AP1B1: variants seen among roughly 807,000 people sequenced by gnomAD.
AP1B1 encodes adaptor related protein complex 1 subunit beta 1, also known as AP-1 complex subunit beta-1.
Under a neutral mutation model 104.3 loss-of-function variants are expected in AP1B1, and 36 were observed. The ratio of observed to expected loss-of-function variants is 0.35; its 90% CI spans 0.26 to 0.46. AP1B1 has a LOEUF of 0.46. AP1B1 is among the 20% of genes least tolerant of loss of function. The pLI is 1.00. For missense variants in AP1B1, 901 were observed against 1,247.9 expected, an observed-to-expected ratio of 0.72 and a Z score of 4.19; for synonymous variants, 504 against 517.5, an observed-to-expected ratio of 0.97 and a Z score of 0.35.
At chr22:29,338,885 T>C in intron 16 of AP1B1, 105 bp downstream of exon 16, 1 of 1,500,238 alleles carries the variant, frequency 6.7e-7, no homozygotes, top group Non-Finnish European at 9.1e-7. Flanking sequence ...CCCTCATCAC[T>C]GCTGGCCTGA....
chr22:29,348,537 A>C (rs1265384754), intron 11 of AP1B1, among the ~76,000 whole-genome samples: 1 of 152,232 alleles, frequency 6.6e-6, no homozygotes, highest in Non-Finnish European at 1.5e-5. Context: ...TGAATTGACA[A>C]TATATATTAA....
intron 2 of AP1B1, among the ~76,000 whole-genome samples, chr22:29,364,543 C>T (rs753531445): frequency 6.6e-5 from 10 of 152,106 alleles, no homozygotes; most frequent in Non-Finnish European, 1.2e-4. Flanking sequence ...CTCAGCATAC[C>T]GGGTAGCTGG....
intron 1 of AP1B1, among the ~76,000 whole-genome samples, chr22:29,380,415 G>T (rs79418544): frequency 0.021 from 541 of 25,896 alleles, 8 homozygotes; most frequent in African/African-American, 0.17. Context: ...CAGAACCCCC[G>T]GGCACACATG....
Position 29,330,540 on chromosome 22 carries a change from G to T in AP1B1, c.2612-8C>A. 6.2e-7 allele frequency: 1 copy of T among 1,610,276 alleles called. No homozygotes were observed. Among genetic ancestry groups the T allele is most frequent in the Non-Finnish European group, 8.5e-7 (1 of 1,176,918 alleles). On this transcript the variant is annotated splice_region_variant and splice_polypyrimidine_tract_variant and intron_variant, in intron 20 of 22. Coordinates refer to ENST00000357586, the MANE Select transcript of AP1B1 (RefSeq NM_001127.4). ...GCTTGCTGCTCGCAGCCTCTGTGGGGTCACATGGCCGTGAGAGGCCCCAGT... is the reference window on the plus strand; with the variant it reads ...GCTTGCTGCTCGCAGCCTCTGTGGGTTCACATGGCCGTGAGAGGCCCCAGT...
intron 1 of AP1B1, among the ~76,000 whole-genome samples, chr22:29,377,099 G>A (rs1216423634): frequency 6.7e-6 from 1 of 150,254 alleles, no homozygotes; most frequent in Non-Finnish European, 1.5e-5. Context: ...GGGAGGCTGA[G>A]GTGGAAGAAT....
chr22:29,340,137 G>A (rs1172825084), intron 14 of AP1B1, among the ~76,000 whole-genome samples: 1 of 152,134 alleles, frequency 6.6e-6, no homozygotes, highest in Non-Finnish European at 1.5e-5. Flanking sequence ...GCCTGAGGAA[G>A]CCCCAGGGAG....
intron 12 of AP1B1, among the ~76,000 whole-genome samples, chr22:29,342,078 C>T (rs1240493472): frequency 6.6e-6 from 1 of 152,260 alleles, no homozygotes; most frequent in Non-Finnish European, 1.5e-5. Flanking sequence ...GTCTCAACTT[C>T]ACTACTTGAC....
intron 1 of AP1B1, among the ~76,000 whole-genome samples, chr22:29,380,660 C>T (rs1056410716): frequency 6.6e-6 from 1 of 152,066 alleles, no homozygotes; most frequent in Non-Finnish European, 1.5e-5. Flanking sequence ...TATTGGATTC[C>T]GACCTTCAAA....
intron 3 of AP1B1, among the ~76,000 whole-genome samples, chr22:29,361,232 G>A (rs1425765659): frequency 2.0e-5 from 3 of 152,202 alleles, no homozygotes; most frequent in Non-Finnish European, 4.4e-5. Flanking sequence ...CTTCCAAAGG[G>A]CTCTCTGCAG....
chr22:29,351,047 A>T, intron 9 of AP1B1, 124 bp downstream of exon 9: 1 of 881,362 alleles, frequency 1.1e-6, no homozygotes, highest in Non-Finnish European at 1.8e-6. Flanking sequence ...TGGGGGCTCC[A>T]GTGATGAGCC....
At chr22:29,342,218 T>A in intron 12 of AP1B1, 67 bp downstream of exon 12, 6 of 1,374,178 alleles carry the variant, frequency 4.4e-6, no homozygotes, top group Non-Finnish European at 1.0e-6. Flanking sequence ...GTCTAGTTCC[T>A]GGGACAAAAG....
At chr22:29,361,771 A>C (rs1221276538) in intron 3 of AP1B1, among the ~76,000 whole-genome samples, 2 of 151,846 alleles carry the variant, frequency 1.3e-5, no homozygotes, top group Non-Finnish European at 2.9e-5. Flanking sequence ...TGATCAGGGA[A>C]GGAAACACAG....
In AP1B1 at chr22:29,358,942, T is replaced by G; in HGVS notation, c.309A>C (p.Arg103=). ...KDCEDPNPLI[R]ALAVRTMGCI... is the part of the protein sequence containing the mutation. ...AGCCCATGGTCCGCACTGCCAGGGC[T>G]CGGATGAGGGGGTTGGGGTCCTCAC... is the stretch of plus-strand genomic sequence containing the variant. Residue 103 remains arginine, a synonymous_variant, in exon 5 of 23, where the codon CGA becomes CGC. Transcript: ENST00000357586. The G allele has an allele frequency of 6.2e-7, 1 of 1,611,952 alleles. No homozygotes were observed. The highest frequency in any genetic ancestry group is 1.3e-5 in the African/African-American group (1 of 74,986).
chr22:29,346,944 C>A (rs2061802803), intron 11 of AP1B1, among the ~76,000 whole-genome samples: 1 of 152,202 alleles, frequency 6.6e-6, no homozygotes, highest in Non-Finnish European at 1.5e-5. Flanking sequence ...TCAGTCCACA[C>A]AAACTGGGAT....
intron 1 of AP1B1, among the ~76,000 whole-genome samples, chr22:29,376,937 C>T (rs2062352431): frequency 6.6e-6 from 1 of 152,024 alleles, no homozygotes; most frequent in African/African-American, 2.4e-5. Context: ...TGGCTCATGC[C>T]CACAATCCAG....
chr22:29,374,120 G>A (rs1406544951), intron 1 of AP1B1, among the ~76,000 whole-genome samples: 1 of 150,004 alleles, frequency 6.7e-6, no homozygotes, highest in East Asian at 2.0e-4. Context: ...AGAATCGCTT[G>A]AACCCCAGAG....
intron 8 of AP1B1, 27 bp downstream of exon 8, chr22:29,351,678 G>C (rs756211321): frequency 6.2e-7 from 1 of 1,612,342 alleles, no homozygotes; most frequent in Non-Finnish European, 8.5e-7. Flanking sequence ...CACTGAGCCC[G>C]TGTCCTGACC....
chr22:29,352,169 C>T (rs1040287681), intron 7 of AP1B1, among the ~76,000 whole-genome samples: 1 of 152,228 alleles, frequency 6.6e-6, no homozygotes, highest in African/African-American at 2.4e-5. Flanking sequence ...GGCCTGTTTC[C>T]TCACCCATGA....
At chr22:29,372,424 CAA>C (rs695265) in intron 1 of AP1B1, among the ~76,000 whole-genome samples, 19 of 53,286 alleles carry the variant, frequency 3.6e-4, no homozygotes, top group African/African-American at 3.1e-4. Context: ...AACTGGGTCT[CAA>C]AAAAAAAAAA....
Sources: allele counts gnomAD v4.1 joint callset (sites outside exome capture counted in the v4.1 genomes callset), GRCh38; gene constraint gnomAD v4.1.1; transcripts MANE v1.5; gene names NCBI Gene and HGNC (gene_info 2026-07-23, HGNC 2026-07-21).